Variants in AHSA1 observed in about 807,000 individuals in gnomAD.
AHSA1 encodes activator of HSP90 ATPase activity 1, also known as activator of 90 kDa heat shock protein ATPase homolog 1.
AHSA1 carries 14 observed loss-of-function variants against 46.1 expected under a neutral mutation model. The observed-to-expected ratio is 0.30, with a 90% CI of 0.20 to 0.47. The LOEUF (loss-of-function observed/expected upper bound fraction) is 0.47. AHSA1 is among the 20% of genes least tolerant of loss of function. The pLI is 0.99. For missense variants in AHSA1, 333 were observed against 415.9 expected (o/e 0.80, Z 1.73); for synonymous variants, 147 against 145.8 (o/e 1.01, Z -0.06).
At position 77,468,202 on chromosome 14, in the gene AHSA1, C is replaced by G. The variant is rs374932815; in HGVS notation, c.792+18C>G. On this transcript the variant is annotated intron_variant, in intron 7 of 8. Coordinates refer to ENST00000216479, the MANE Select transcript of AHSA1 (RefSeq NM_012111.3). ...CTGATCTGGTGAGTACCTGCCGGCC[C>G]TAGACTCAGGTTATTGCCTCTGGTC... 6.6e-6 allele frequency: 10 copies of G among 1,506,254 alleles called. No individual in the cohort carries two copies. In the African/African-American group the frequency reaches 1.4e-4, roughly 21 times the overall value. The allele number at this position is 1,506,254 out of a possible 1,614,324, so 93.3% of individuals were successfully genotyped here.
At position 77,465,515 on chromosome 14, in the gene AHSA1, TC is replaced by T; in HGVS notation, c.562-23del. On this transcript the variant is annotated intron_variant, in intron 5 of 8. Transcript: ENST00000216479. ...AGGTTGTATCATTACTCTGTATTGATCATTTTCACTGCCACCTTCACAGGCT... is the reference window on the plus strand; with the variant it reads ...AGGTTGTATCATTACTCTGTATTGATATTTTCACTGCCACCTTCACAGGCT... The T allele has an allele frequency of 4.3e-6, 7 of 1,612,182 alleles. No homozygotes were observed. In the Middle Eastern group the frequency reaches 5.0e-4, roughly 114 times the overall value.
chr14:77,462,260 C>T lies in AHSA1; in HGVS notation c.354+18C>T, dbSNP rs199876538. 5.7e-4 allele frequency: 920 copies of T among 1,603,060 alleles called. 2 individuals carry two copies. The highest frequency in any genetic ancestry group is 7.4e-4 in the Non-Finnish European group (867 of 1,170,056). ...AAGTGGAGGTTTGTGCTTCATAACT[C>T]CTAATCCGAGTCCTCTATATCCTCT... On this transcript the variant is annotated intron_variant, in intron 3 of 8. Transcript: ENST00000216479.
In AHSA1 at chr14:77,469,386, G is replaced by T; in HGVS notation, c.*137G>T. The stretch of plus-strand genomic sequence containing the variant: ...CCCCTCCCTTCCACATATACCTTGG[G>T]TTTGTGCATGTTTTCTGCTGGGTGG... On this transcript the variant is annotated 3_prime_UTR_variant, in exon 9 of 9. Transcript: ENST00000216479. The T allele has an allele frequency of 1.0e-6, 1 of 969,510 alleles. No individual in the cohort carries two copies. The allele number at this position is 969,510 out of a possible 1,614,324, so 60.1% of individuals were successfully genotyped here. A position where few individuals can be genotyped will look rare whatever the true frequency, so the allele number is the denominator to read the frequency against.
In AHSA1 at chr14:77,458,101, C is replaced by G; in HGVS notation, c.-89C>G. 1.6e-6 allele frequency: 2 copies of G among 1,235,296 alleles called. No individual in the cohort carries two copies. The highest frequency in any genetic ancestry group is 2.2e-6 in the Non-Finnish European group (2 of 925,980). 76.5% of individuals were successfully genotyped at this position (1,235,296 alleles called of 1,614,324 possible). A position where few individuals can be genotyped will look rare whatever the true frequency, so the allele number is the denominator to read the frequency against. ...TGCTTGCGGCCGCTTCTAGTAGTTTCCAGGCGCTGCCGGGCGGCTGGCACT... is the reference window on the plus strand; with the variant it reads ...TGCTTGCGGCCGCTTCTAGTAGTTTGCAGGCGCTGCCGGGCGGCTGGCACT... On this transcript the variant is annotated 5_prime_UTR_variant, in exon 1 of 9. Transcript: ENST00000216479.
chr14:77,469,288 G>A lies in AHSA1; in HGVS notation c.*39G>A, dbSNP rs2079063505. ...GGACTCCAGCCTGCTGGACACTTCA[G>A]TCCAGCTCTCTCCTGACTGGGGCTT... On this transcript the variant is annotated 3_prime_UTR_variant, in exon 9 of 9. Transcript: ENST00000216479. 3 of 1,604,136 alleles carry A rather than the reference G, an allele frequency of 1.9e-6. No individual in the cohort carries two copies. Among genetic ancestry groups the A allele is most frequent in the East Asian group, 4.5e-5 (2 of 44,682 alleles).
intron 5 of AHSA1, 47 bp downstream of exon 5, chr14:77,464,733 G>A (rs2079040610): frequency 6.6e-7 from 1 of 1,523,740 alleles, no homozygotes; most frequent in African/African-American, 1.4e-5. Context: ...AGGAACTTGA[G>A]AGACCGCCTT....
chr14:77,462,606 A>C, intron 3 of AHSA1, 36 bp from the exon 4 acceptor site: 1 of 1,597,410 alleles, frequency 6.3e-7, no homozygotes. Flanking sequence ...GGTGCCCCTC[A>C]AGTTATTTAC....
In AHSA1 at chr14:77,469,259, C is replaced by T; in HGVS notation, c.*10C>T. 1 of 1,612,824 alleles carries T rather than the reference C, an allele frequency of 6.2e-7. No homozygotes were observed. The highest frequency in any genetic ancestry group is 8.5e-7 in the Non-Finnish European group (1 of 1,179,148). On this transcript the variant is annotated 3_prime_UTR_variant, in exon 9 of 9. Coordinates refer to ENST00000216479, the MANE Select transcript of AHSA1 (RefSeq NM_012111.3). ...CGCACGCTTATTTTAGGGCCAGCGG[C>T]AGGGGACTCCAGCCTGCTGGACACT...
chr14:77,462,273 C>T (rs2079028940), intron 3 of AHSA1, 31 bp downstream of exon 3: 1 of 1,566,288 alleles, frequency 6.4e-7, no homozygotes, highest in African/African-American at 1.4e-5. Flanking sequence ...AATCCGAGTC[C>T]TCTATATCCT....
At chr14:77,459,138 G>A (rs546277887) in intron 1 of AHSA1, among the ~76,000 whole-genome samples, 1 of 152,194 alleles carries the variant, frequency 6.6e-6, no homozygotes. Context: ...CCATCTAGGG[G>A]ACAGTGAATG....
chr14:77,464,666 C>T lies in AHSA1; in HGVS notation c.541C>T (p.Leu181=), dbSNP rs1441618911. 1.2e-6 allele frequency: 2 copies of T among 1,613,776 alleles called. No individual in the cohort carries two copies. The highest frequency in any genetic ancestry group is 1.7e-6 in the Non-Finnish European group (2 of 1,180,012). ...AGTAGACCCAGTGGGGCAGCCAGCA[C>T]TGAAAACTGAGGAGCGCAAGGTAAA... ...ESVDPVGQPA[L]KTEERKAKPA... is the part of the protein sequence containing the mutation. The change falls in exon 5 of 9, where the codon CTG becomes TTG. Residue 181 remains leucine (L), a synonymous_variant. Coordinates refer to ENST00000216479, the MANE Select transcript of AHSA1 (RefSeq NM_012111.3).
In AHSA1 at chr14:77,462,723, G is replaced by A. The variant is rs2079031075; in HGVS notation, c.436G>A (p.Glu146Lys). The change falls in exon 4 of 9, where the codon GAA (glutamate) becomes AAA (lysine). Residue 146 changes from glutamate to lysine, a missense_variant. Transcript: ENST00000216479. ...MKEEGVKLLREAMGIYISTLK... is the reference protein window; with the variant it reads ...MKEEGVKLLRKAMGIYISTLK... Reference sequence around the variant, plus strand: ...GGAAGAAGGGGTGAAACTTCTAAGAGAAGCAATGGGAATTTACATCAGCAC... The same window carrying A: ...GGAAGAAGGGGTGAAACTTCTAAGAAAAGCAATGGGAATTTACATCAGCAC... 6.2e-7 allele frequency: 1 copy of A among 1,614,048 alleles called. No individual in the cohort carries two copies. The highest frequency in any genetic ancestry group is 8.5e-7 in the Non-Finnish European group (1 of 1,180,022).
At chr14:77,465,392 A>C in intron 5 of AHSA1, 147 bp from the exon 6 acceptor site, 1 of 883,878 alleles carries the variant, frequency 1.1e-6, no homozygotes, top group Admixed American at 3.1e-5. Flanking sequence ...ACACCTACAC[A>C]CTCAAATTCC....
rs777161690 is a variant in AHSA1 at position 77,468,100 on chromosome 14, C to T, written c.708C>T (p.Thr236=). 1.1e-5 allele frequency: 17 copies of T among 1,500,632 alleles called. No individual in the cohort carries two copies. Among genetic ancestry groups the T allele is most frequent in the Non-Finnish European group, 1.4e-5 (16 of 1,105,160 alleles). 93.0% of individuals were successfully genotyped at this position (1,500,632 alleles called of 1,614,324 possible). The change falls in exon 7 of 9, where the codon ACC becomes ACT. Residue 236 remains threonine (T), a synonymous_variant. Coordinates refer to ENST00000216479, the MANE Select transcript of AHSA1 (RefSeq NM_012111.3). ...FTTQELVQAF[T]HAPATLEADR... The stretch of plus-strand genomic sequence containing the variant: ...CCCTGCAGCTGGTGCAGGCCTTTAC[C>T]CATGCTCCTGCAACATTAGAAGCAG...
chr14:77,462,676 C>A lies in AHSA1; in HGVS notation c.389C>A (p.Thr130Lys). ...SVSLAKDEPDTNLVALMKEEG... is the reference protein window; with the variant it reads ...SVSLAKDEPDKNLVALMKEEG... ...AGCCTTGCCAAAGATGAGCCTGACA[C>A]AAATCTCGTGGCCTTAATGAAGGAA... The change falls in exon 4 of 9, where the codon ACA becomes AAA. Residue 130 changes from threonine to lysine, a missense_variant. Transcript: ENST00000216479. 1 of 1,614,200 alleles carries A rather than the reference C, an allele frequency of 6.2e-7. No individual in the cohort carries two copies. Among genetic ancestry groups the A allele is most frequent in the South Asian group, 1.1e-5 (1 of 91,084 alleles).
intron 8 of AHSA1, 81 bp from the exon 9 acceptor site, chr14:77,468,996 C>G (rs1240662882): frequency 1.3e-6 from 2 of 1,533,826 alleles, no homozygotes; most frequent in South Asian, 1.2e-5. Flanking sequence ...GTGTGAGCCA[C>G]CACGCCCAGC....
chr14:77,460,954 T>C (rs2079020284), intron 2 of AHSA1, among the ~76,000 whole-genome samples: 2 of 150,888 alleles, frequency 1.3e-5, no homozygotes, highest in South Asian at 2.1e-4. Context: ...GGTCAGGAGA[T>C]CAAGACCATC....
chr14:77,460,206 G>A (rs759762420), intron 2 of AHSA1: 4 of 221,822 alleles, frequency 1.8e-5, no homozygotes, highest in South Asian at 6.3e-5. Context: ...AAACCACTGC[G>A]CTAATGAAGC....
At chr14:77,464,450 C>A in intron 4 of AHSA1, 148 bp from the exon 5 acceptor site, 2 of 676,050 alleles carry the variant, frequency 3.0e-6, no homozygotes, top group Non-Finnish European at 5.1e-6. Flanking sequence ...TGGCATAGGC[C>A]AAAAGTAAAG....
Sources: gnomAD v4.1 joint callset for allele counts (sites outside exome capture counted in the v4.1 genomes callset) on GRCh38, gnomAD v4.1.1 for gene constraint, MANE v1.5 for transcripts, NCBI Gene and HGNC (gene_info 2026-07-23, HGNC 2026-07-21) for gene names.